The following DNAH11 variants were observed in gnomAD, a reference collection of about 807,000 sequenced individuals.
DNAH11 encodes the protein axonemal beta dynein heavy chain 11.
In DNAH11, 442 loss-of-function variants were observed where a neutral mutation model predicts 526.0. The ratio of observed to expected loss-of-function variants is 0.84; its 90% CI spans 0.78 to 0.91. DNAH11 has a LOEUF of 0.91. DNAH11 is among the 40% of genes least tolerant of loss of function. The pLI is 0.00. For synonymous variants in DNAH11, 2,461 were observed against 1,935.9 expected (o/e 1.27, Z -7.12); for missense variants, 6,989 against 5,448.7 (o/e 1.28, Z -8.90).
intron 61 of DNAH11, among the ~76,000 whole-genome samples, chr7:21,789,808 T>TCTTTCTTCTTTCTTTCTTTCTTTCTTTC: frequency 2.3e-4 from 8 of 34,084 alleles, no homozygotes; most frequent in East Asian, 6.2e-4. Flanking sequence ...TTTCTTTCTT[T>TCTTTCTTCTTTCTTTCTTTCTTTCTTTC]TTTCTTTCTT....
intron 1 of DNAH11, 93 bp from the exon 2 acceptor site, chr7:21,544,913 C>G (rs778591772): frequency 7.2e-5 from 81 of 1,124,208 alleles, no homozygotes; most frequent in Non-Finnish European, 9.5e-5. Flanking sequence ...GGTTTTGTTT[C>G]TTCTGCTAGC....
chr7:21,768,279 G>C (rs1171041146), intron 55 of DNAH11, among the ~76,000 whole-genome samples: 1 of 152,206 alleles, frequency 6.6e-6, no homozygotes, highest in Non-Finnish European at 1.5e-5. Context: ...AAGCTCGTTG[G>C]AGAGAGAACT....
chr7:21,668,585 C>A (rs1782513470), intron 30 of DNAH11, among the ~76,000 whole-genome samples: 1 of 152,272 alleles, frequency 6.6e-6, no homozygotes, highest in African/African-American at 2.4e-5. Flanking sequence ...TGTTAGCCAG[C>A]AAGTAGGATA....
chr7:21,600,029 T>C lies in DNAH11; in HGVS notation c.2910T>C (p.Tyr970=). 1 of 1,612,794 alleles carries C rather than the reference T, an allele frequency of 6.2e-7. No individual in the cohort carries two copies. The highest frequency in any genetic ancestry group is 8.5e-7 in the Non-Finnish European group (1 of 1,179,202). ...ACAGAGAGGCTGGGGATGGCTTCTA[T>C]GATCTTGTAGAAGAAATGTTATGCA... The part of the protein sequence containing the change: ...SLDREAGDGF[Y]DLVEEMLCNS... Residue 970 remains tyrosine (Y), a synonymous_variant, in exon 15 of 82, where the codon TAT becomes TAC. Transcript: ENST00000409508.
intron 64 of DNAH11, among the ~76,000 whole-genome samples, chr7:21,817,917 A>G (rs1356633192): frequency 6.6e-6 from 1 of 152,214 alleles, no homozygotes; most frequent in African/African-American, 2.4e-5. Context: ...AATGTATGAT[A>G]GTTGGATAAC....
chr7:21,749,725 C>T lies in DNAH11; in HGVS notation c.8721C>T (p.Pro2907=). The part of the protein sequence containing the change: ...LYIRTGAKNM[P]TVFLLTDAQV... ...TCCGAACTGGAGCCAAGAACATGCC[C>T]ACTGTGTTCCTGCTGACAGATGCCC... The change falls in exon 53 of 82, where the codon CCC becomes CCT. Residue 2907 remains proline (P), a synonymous_variant. Coordinates refer to ENST00000409508, the MANE Select transcript of DNAH11 (RefSeq NM_001277115.2). The T allele has an allele frequency of 6.2e-7, 1 of 1,613,964 alleles. No homozygotes were observed. Among genetic ancestry groups the T allele is most frequent in the Non-Finnish European group, 8.5e-7 (1 of 1,179,858 alleles).
chr7:21,764,395 T>C (rs1787078601), intron 54 of DNAH11, among the ~76,000 whole-genome samples: 1 of 152,198 alleles, frequency 6.6e-6, no homozygotes, highest in South Asian at 2.1e-4. Context: ...TTGCCTGATC[T>C]CAAAGTGTTA....
At chr7:21,602,727 TACTGTATG>T (rs1441707103) in intron 18 of DNAH11, among the ~76,000 whole-genome samples, 1 of 152,144 alleles carries the variant, frequency 6.6e-6, no homozygotes, top group African/African-American at 2.4e-5. Flanking sequence ...TGTTTTCAAG[TACTGTATG>T]AGTTCATCTT....
chr7:21,897,407 A>G (rs1319422969), intron 79 of DNAH11, among the ~76,000 whole-genome samples: 1 of 150,018 alleles, frequency 6.7e-6, no homozygotes, highest in Non-Finnish European at 1.5e-5. Flanking sequence ...CCTCTTGTCA[A>G]ATGCTGCCGT....
At position 21,600,680 on chromosome 7, in the gene DNAH11, A is replaced by T; in HGVS notation, c.3005A>T (p.Asp1002Val). The stretch of plus-strand genomic sequence containing the variant: ...CTGTGTTTTCCTCTCATTTAGAATG[A>T]TATGGATAACATGTTAGGCCTGGCA... ...THLEIKNYQN[D>V]MDNMLGLAEV... Residue 1002 changes from aspartate (D) to valine (V), a missense_variant, in exon 16 of 82, where the codon GAT becomes GTT. Asp to Val is a radical substitution (Grantham distance 152). Coordinates refer to ENST00000409508, the MANE Select transcript of DNAH11 (RefSeq NM_001277115.2). 6.2e-7 allele frequency: 1 copy of T among 1,607,040 alleles called. No individual in the cohort carries two copies. Among genetic ancestry groups the T allele is most frequent in the Non-Finnish European group, 8.5e-7 (1 of 1,175,982 alleles).
chr7:21,600,983 T>C, intron 16 of DNAH11, 27 bp from the exon 17 acceptor site: 1 of 1,609,840 alleles, frequency 6.2e-7, no homozygotes, highest in Non-Finnish European at 8.5e-7. Flanking sequence ...CACTGAGTTG[T>C]TCTAATTAAT....
chr7:21,697,652 A>G (rs187925034), intron 35 of DNAH11, among the ~76,000 whole-genome samples: 122 of 152,312 alleles, frequency 8.0e-4, no homozygotes, highest in African/African-American at 2.7e-3. Context: ...GGAATCAGCC[A>G]TGGTGGAAGA....
At position 21,749,679 on chromosome 7, in the gene DNAH11, T is replaced by C; in HGVS notation, c.8675T>C (p.Val2892Ala). 6.2e-7 allele frequency: 1 copy of C among 1,613,866 alleles called. No individual in the cohort carries two copies. Among genetic ancestry groups the C allele is most frequent in the South Asian group, 1.1e-5 (1 of 91,044 alleles). ...TEGYGIQELR[V>A]DLANLYIRTG... ...ATGAGTGATGGCCTTTCCTTACAGGTAGATCTTGCCAATTTGTACATCCGA... is the reference window on the plus strand; with the variant it reads ...ATGAGTGATGGCCTTTCCTTACAGGCAGATCTTGCCAATTTGTACATCCGA... The change falls in exon 53 of 82, where the codon GTA (valine) becomes GCA (alanine). Residue 2892 changes from valine (V) to alanine (A), a missense_variant and splice_region_variant. Coordinates refer to ENST00000409508, the MANE Select transcript of DNAH11 (RefSeq NM_001277115.2).
At chr7:21,695,237 A>G (rs1181936279) in intron 35 of DNAH11, among the ~76,000 whole-genome samples, 1 of 152,200 alleles carries the variant, frequency 6.6e-6, no homozygotes, top group Non-Finnish European at 1.5e-5. Flanking sequence ...GAAGTAGAAA[A>G]TACTACTTTA....
At chr7:21,658,170 AAG>A (rs1243919528) in intron 29 of DNAH11, among the ~76,000 whole-genome samples, 2 of 152,100 alleles carry the variant, frequency 1.3e-5, no homozygotes, top group Non-Finnish European at 2.9e-5. Flanking sequence ...TAAAAAAAAA[AAG>A]ATTAATTTTT....
chr7:21,738,507 G>C (rs1404113591), intron 46 of DNAH11, among the ~76,000 whole-genome samples, 194 bp from the exon 47 acceptor site: 1 of 152,176 alleles, frequency 6.6e-6, no homozygotes, highest in Non-Finnish European at 1.5e-5. Flanking sequence ...GGCAACAGGA[G>C]GGAGATTGGC....
At position 21,617,653 on chromosome 7, in the gene DNAH11, G is replaced by A. The variant is rs778297431; in HGVS notation, c.4130G>A (p.Trp1377Ter). The A allele has an allele frequency of 6.2e-7, 1 of 1,613,842 alleles. No individual in the cohort carries two copies. Among genetic ancestry groups the A allele is most frequent in the South Asian group, 1.1e-5 (1 of 91,074 alleles). Residue 1377 changes from tryptophan (W) to a stop codon, truncating the protein, a stop_gained, in exon 23 of 82, where the codon TGG (tryptophan) becomes TAG (stop). Transcript: ENST00000409508. LOFTEE classifies it high-confidence loss of function. ...TCACTCAACAAGGAAGTCCGCGTCTGGGATGCTTACACGGGCCTGGAAGGC... is the reference window on the plus strand; with the variant it reads ...TCACTCAACAAGGAAGTCCGCGTCTAGGATGCTTACACGGGCCTGGAAGGC... ...IWSLNKEVRV[W>*]DAYTGLEGTV...
At chr7:21,780,116 G>A (rs946621243) in intron 57 of DNAH11, among the ~76,000 whole-genome samples, 1 of 132,502 alleles carries the variant, frequency 7.5e-6, no homozygotes, top group African/African-American at 2.8e-5. Flanking sequence ...TAAAAGGACA[G>A]TTTTAAGAAA....
At chr7:21,794,282 G>A (rs574711704) in intron 61 of DNAH11, among the ~76,000 whole-genome samples, 1 of 152,240 alleles carries the variant, frequency 6.6e-6, no homozygotes, top group South Asian at 2.1e-4. Context: ...GAGAGGTCAT[G>A]GCTCCCTGTT....
Sources: allele counts gnomAD v4.1 joint callset (sites outside exome capture counted in the v4.1 genomes callset), GRCh38; gene constraint gnomAD v4.1.1; transcripts MANE v1.5; gene names NCBI Gene and HGNC (gene_info 2026-07-23, HGNC 2026-07-21).